Variants in CASK observed in about 807,000 individuals in gnomAD.
CASK encodes calcium/calmodulin dependent serine protein kinase.
A neutral mutation model predicts 82.9 loss-of-function variants in CASK; 4 were observed. That is an observed-to-expected ratio of 0.05 (90% CI 0.02 to 0.11). The LOEUF (loss-of-function observed/expected upper bound fraction) is 0.11. CASK is among the 10% of genes least tolerant of loss of function. The pLI is 1.00. For synonymous variants in CASK, 259 were observed against 253.5 expected (o/e 1.02, Z -0.20); for missense variants, 358 against 720.9 (o/e 0.50, Z 5.76).
At chrX:41,836,549 G>A (rs1021097803) in intron 2 of CASK, among the ~76,000 whole-genome samples, 3 of 111,159 alleles carry the variant, frequency 2.7e-5, no homozygotes, top group East Asian at 2.8e-4. Context: ...ATTATGTGAC[G>A]TATTATGTCA....
At chrX:41,856,553 C>T (rs1422371132) in intron 1 of CASK, among the ~76,000 whole-genome samples, 1 of 110,934 alleles carries the variant, frequency 9.0e-6, no homozygotes, top group Non-Finnish European at 1.9e-5. Context: ...TAGGTGGTCT[C>T]CTGTACTCCA....
chrX:41,531,058 G>T lies in CASK; in HGVS notation c.2469C>A (p.Ile823=), dbSNP rs753653837. The stretch of plus-strand genomic sequence containing the variant: ...TCAGCCCCTGCTCGTGGATCTTCCG[G>T]ATGGTCTCCAGTTTTGTCCCATACA... ...DAMYGTKLET[I]RKIHEQGLIA... is the part of the protein sequence containing the mutation. The change falls in exon 25 of 27, where the codon ATC becomes ATA. Residue 823 remains isoleucine, a synonymous_variant. Coordinates refer to ENST00000378163, the MANE Select transcript of CASK (RefSeq NM_001367721.1). The T allele has an allele frequency of 6.6e-6, 8 of 1,211,775 alleles. No homozygotes were observed. Among genetic ancestry groups the T allele is most frequent in the Non-Finnish European group, 8.9e-6 (8 of 895,331 alleles).
intron 3 of CASK, among the ~76,000 whole-genome samples, chrX:41,775,585 C>T (rs1432691478): frequency 2.0e-5 from 2 of 98,486 alleles, no homozygotes; most frequent in Non-Finnish European, 4.3e-5. Flanking sequence ...CACATGCACA[C>T]GTATGTTTAC....
chrX:41,800,384 T>C (rs989232464), intron 2 of CASK, among the ~76,000 whole-genome samples: 1 of 111,213 alleles, frequency 9.0e-6, no homozygotes, highest in Non-Finnish European at 1.9e-5. Flanking sequence ...TCCTACTCTA[T>C]AGTGCAGAGA....
intron 1 of CASK, among the ~76,000 whole-genome samples, chrX:41,910,296 T>C (rs957646050): frequency 2.2e-4 from 25 of 111,603 alleles, no homozygotes; most frequent in African/African-American, 8.1e-4. Context: ...TTAAGAATTA[T>C]GTAATTTTAT....
intron 2 of CASK, among the ~76,000 whole-genome samples, chrX:41,789,526 T>A (rs1278170473): frequency 9.0e-6 from 1 of 111,229 alleles, no homozygotes; most frequent in Non-Finnish European, 1.9e-5. Context: ...GAAGCAGCTG[T>A]GGGGTTTGTG....
At chrX:41,773,185 A>T (rs1366448868) in intron 3 of CASK, among the ~76,000 whole-genome samples, 1 of 108,877 alleles carries the variant, frequency 9.2e-6, no homozygotes, top group Non-Finnish European at 1.9e-5. Flanking sequence ...GGAGTCTGAG[A>T]CCAGCCTGGG....
At chrX:41,869,812 CAAAAAAAAAAAAA>C (rs72190097) in intron 1 of CASK, among the ~76,000 whole-genome samples, 30 of 12,116 alleles carry the variant, frequency 2.5e-3, no homozygotes, top group African/African-American at 0.012. Context: ...GACTCTGTCT[CAAAAAAAAAAAAA>C]AAAAAAAAAA....
intron 22 of CASK, among the ~76,000 whole-genome samples, chrX:41,539,338 A>G (rs1156367321): frequency 8.9e-6 from 1 of 112,452 alleles, no homozygotes; most frequent in Non-Finnish European, 1.9e-5. Context: ...CCACAAATAC[A>G]AATAATGTCA....
chrX:41,532,718 G>A (rs1021136428), intron 24 of CASK, among the ~76,000 whole-genome samples: 10 of 111,260 alleles, frequency 9.0e-5, no homozygotes, highest in African/African-American at 2.3e-4. Flanking sequence ...TAGCCTGTTT[G>A]TTAGAACATA....
At chrX:41,878,014 C>A (rs767186431) in intron 1 of CASK, among the ~76,000 whole-genome samples, 3 of 108,643 alleles carry the variant, frequency 2.8e-5, no homozygotes, top group African/African-American at 1.0e-4. Flanking sequence ...AAACACAATG[C>A]CTCTTATTTT....
At chrX:41,612,567 G>C (rs1317266328) in intron 11 of CASK, among the ~76,000 whole-genome samples, 1 of 105,166 alleles carries the variant, frequency 9.5e-6, no homozygotes, top group Non-Finnish European at 2.0e-5. Context: ...CCCCGTCCGG[G>C]AGGTGAGGGG....
intron 22 of CASK, among the ~76,000 whole-genome samples, chrX:41,537,818 TTTA>T (rs55857120): frequency 0.051 from 4,901 of 95,305 alleles, 136 homozygotes; most frequent in Admixed American, 0.12. Flanking sequence ...GCCTATTACT[TTTA>T]TTATTATTAT....
chrX:41,814,237 T>TGG, intron 2 of CASK, among the ~76,000 whole-genome samples: 1 of 111,738 alleles, frequency 8.9e-6, no homozygotes, highest in Non-Finnish European at 1.9e-5. Context: ...ACCATCCCAT[T>TGG]ACTGGGTATA....
chrX:41,644,804 G>C (rs1011986790), intron 8 of CASK, among the ~76,000 whole-genome samples: 1 of 111,806 alleles, frequency 8.9e-6, no homozygotes, highest in Non-Finnish European at 1.9e-5. Flanking sequence ...TTATGGTCAA[G>C]ATTGCAGAGG....
At chrX:41,543,353 C>T (rs1398744079) in intron 21 of CASK, among the ~76,000 whole-genome samples, 1 of 111,852 alleles carries the variant, frequency 8.9e-6, no homozygotes. Flanking sequence ...AATATTCTAT[C>T]CGCAGTGTCT....
intron 1 of CASK, among the ~76,000 whole-genome samples, chrX:41,871,915 A>G (rs912931470): frequency 5.4e-5 from 6 of 111,982 alleles, no homozygotes; most frequent in African/African-American, 2.0e-4. Flanking sequence ...AGGGAAGGCA[A>G]TATTATTCTA....
Position 41,517,930 on chromosome X carries a change from T to A in CASK, c.*2490A>T. On this transcript the variant is annotated 3_prime_UTR_variant, in exon 27 of 27. Coordinates refer to ENST00000378163, the MANE Select transcript of CASK (RefSeq NM_001367721.1). ...TAGTGGAATGGAACAGGTAACATCT[T>A]TGAGAAGTCAATGAGTTCTGCATGC... 2.2e-6 allele frequency: 1 copy of A among 453,694 alleles called. No homozygotes were observed. Among genetic ancestry groups the A allele is most frequent in the Non-Finnish European group, 3.9e-6 (1 of 257,477 alleles). The allele number at this position is 453,694 out of a possible 1,213,427, so 37.4% of individuals were successfully genotyped here.
intron 16 of CASK, chrX:41,561,902 A>T: frequency 3.7e-6 from 1 of 269,550 alleles, no homozygotes; most frequent in Non-Finnish European, 6.5e-6. Context: ...TGGTATGTAT[A>T]GTGGTTTAAA....
Sources: gnomAD v4.1 joint callset for allele counts (sites outside exome capture counted in the v4.1 genomes callset) on GRCh38, gnomAD v4.1.1 for gene constraint, MANE v1.5 for transcripts, NCBI Gene and HGNC (gene_info 2026-07-23, HGNC 2026-07-21) for gene names.